Variants in MICU3 observed in about 807,000 individuals in gnomAD.
MICU3 encodes the protein calcium uptake protein 3, mitochondrial.
In MICU3, 62 loss-of-function variants were observed where a neutral mutation model predicts 66.5. The observed-to-expected ratio is 0.93, with a 90% confidence interval of 0.76 to 1.15. MICU3 has a LOEUF of 1.15. MICU3 is among the 50% of genes most tolerant of loss of function. The probability of loss-of-function intolerance (pLI) is 0.00; values close to 1 mark genes in which losing one functional copy is unlikely to be tolerated. For synonymous variants in MICU3, 308 were observed against 240.7 expected, an observed-to-expected ratio of 1.28 and a Z score of -2.59; for missense variants, 779 against 664.4, an observed-to-expected ratio of 1.17 and a Z score of -1.90.
intron 1 of MICU3, among the ~76,000 whole-genome samples, chr8:17,059,187 T>G (rs1394472088): frequency 6.6e-6 from 1 of 152,162 alleles, no homozygotes; most frequent in Non-Finnish European, 1.5e-5. Context: ...GGATTCCTAT[T>G]TATGCTGCTA....
At chr8:17,077,558 T>G (rs1820560290) in intron 3 of MICU3, among the ~76,000 whole-genome samples, 1 of 152,196 alleles carries the variant, frequency 6.6e-6, no homozygotes, top group African/African-American at 2.4e-5. Flanking sequence ...TTTAGTTAGC[T>G]CTAATTAAAT....
intron 11 of MICU3, among the ~76,000 whole-genome samples, chr8:17,108,280 C>A (rs146391524): frequency 6.6e-6 from 1 of 152,146 alleles, no homozygotes; most frequent in East Asian, 1.9e-4. Context: ...GTGAATCTAG[C>A]GGTCAAGGGT....
intron 1 of MICU3, among the ~76,000 whole-genome samples, chr8:17,034,196 C>A (rs1257836370): frequency 6.6e-6 from 1 of 152,190 alleles, no homozygotes; most frequent in Non-Finnish European, 1.5e-5. Context: ...GACTGCAAAG[C>A]TTGGATGACA....
intron 4 of MICU3, among the ~76,000 whole-genome samples, chr8:17,079,462 T>A (rs925649851): frequency 1.3e-5 from 2 of 152,190 alleles, no homozygotes; most frequent in African/African-American, 2.4e-5. Flanking sequence ...TTGCTTTTTT[T>A]AAATAGCGAT....
intron 10 of MICU3, among the ~76,000 whole-genome samples, 170 bp downstream of exon 10, chr8:17,104,661 TATTGATA>T (rs1337733038): frequency 6.6e-6 from 1 of 152,026 alleles, no homozygotes; most frequent in Non-Finnish European, 1.5e-5. Context: ...CCAGTGGTTA[TATTGATA>T]ATTATAACAG....
intron 14 of MICU3, among the ~76,000 whole-genome samples, chr8:17,119,995 C>T (rs1002501072): frequency 1.3e-5 from 2 of 152,140 alleles, no homozygotes; most frequent in African/African-American, 4.8e-5. Flanking sequence ...GGTATGTCCA[C>T]ACAGGTAGTG....
chr8:17,054,735 TTTC>T (rs1236452687), intron 1 of MICU3, among the ~76,000 whole-genome samples: 5 of 131,258 alleles, frequency 3.8e-5, no homozygotes, highest in Admixed American at 7.5e-5. Context: ...TTTTTCTTTC[TTTC>T]TTTTTTTTTT....
intron 1 of MICU3, among the ~76,000 whole-genome samples, chr8:17,044,045 T>C (rs1190548710): frequency 6.6e-6 from 1 of 152,196 alleles, no homozygotes; most frequent in Non-Finnish European, 1.5e-5. Flanking sequence ...TAGGCAAGAA[T>C]GCATACTTAA....
At chr8:17,056,784 A>G (rs1243851882) in intron 1 of MICU3, among the ~76,000 whole-genome samples, 1 of 152,202 alleles carries the variant, frequency 6.6e-6, no homozygotes, top group East Asian at 1.9e-4. Context: ...GTGGCAGCAG[A>G]AGTTTTCTGG....
At chr8:17,041,890 C>G (rs899376747) in intron 1 of MICU3, among the ~76,000 whole-genome samples, 2 of 152,104 alleles carry the variant, frequency 1.3e-5, no homozygotes, top group African/African-American at 2.4e-5. Flanking sequence ...GTGATGTCAT[C>G]TTCTCGGAGC....
At chr8:17,057,652 A>C (rs2150596068) in intron 1 of MICU3, among the ~76,000 whole-genome samples, 1 of 152,226 alleles carries the variant, frequency 6.6e-6, no homozygotes, top group South Asian at 2.1e-4. Context: ...CCAATTTGCA[A>C]ATGATCTCCT....
At chr8:17,036,167 G>C (rs1005968097) in intron 1 of MICU3, among the ~76,000 whole-genome samples, 4 of 152,156 alleles carry the variant, frequency 2.6e-5, no homozygotes, top group Non-Finnish European at 5.9e-5. Flanking sequence ...TGGCTCAAGA[G>C]TGAAGCTGCA....
Position 17,114,203 on chromosome 8 carries a change from T to C in MICU3, c.1366+2T>C. 1 of 1,559,184 alleles carries C rather than the reference T, an allele frequency of 6.4e-7. No homozygotes were observed. The highest frequency in any genetic ancestry group is 1.1e-5 in the South Asian group (1 of 87,662). On this transcript the variant is annotated splice_donor_variant, in intron 12 of 14. Transcript: ENST00000318063. LOFTEE classifies it high-confidence loss of function. The stretch of plus-strand genomic sequence containing the variant: ...TTGCAAGTCGTTCTATAGGGCAAGG[T>C]AAGTAATCATCTACAAAAATTAAAA...
intron 6 of MICU3, 54 bp downstream of exon 6, chr8:17,085,372 T>G: frequency 8.3e-7 from 1 of 1,211,734 alleles, no homozygotes; most frequent in Non-Finnish European, 1.2e-6. Context: ...CTTACTTATA[T>G]TTTTATGTTT....
At chr8:17,133,040 T>G in the MICU3 span, 1 of 152,256 alleles carries the variant, frequency 6.6e-6, no homozygotes, top group Non-Finnish European at 1.5e-5. Context: ...CTGAATCTGC[T>G]TGATCTGGGA....
At chr8:17,133,166 T>C in the MICU3 span, 1 of 152,228 alleles carries the variant, frequency 6.6e-6, no homozygotes, top group African/African-American at 2.4e-5. Flanking sequence ...AGAGGAGCCA[T>C]TCTTTCATCC....
At chr8:17,104,213 G>A (rs1484085370) in intron 9 of MICU3, among the ~76,000 whole-genome samples, 178 bp from the exon 10 acceptor site, 1 of 151,776 alleles carries the variant, frequency 6.6e-6, no homozygotes, top group Non-Finnish European at 1.5e-5. Context: ...TTTAAAATGT[G>A]AGCTTTATTT....
the MICU3 span, chr8:17,132,727 G>T: frequency 6.6e-6 from 1 of 152,214 alleles, no homozygotes; most frequent in South Asian, 2.1e-4. Flanking sequence ...TCAGATCTCT[G>T]AAATGGCAGA....
At chr8:17,036,714 C>T (rs1813058457) in intron 1 of MICU3, among the ~76,000 whole-genome samples, 1 of 152,232 alleles carries the variant, frequency 6.6e-6, no homozygotes, top group Non-Finnish European at 1.5e-5. Flanking sequence ...TATAAAGACT[C>T]TCCACGTCCC....
Sources: allele counts gnomAD v4.1 joint callset (sites outside exome capture counted in the v4.1 genomes callset), GRCh38; gene constraint gnomAD v4.1.1; transcripts MANE v1.5; gene names NCBI Gene and HGNC (gene_info 2026-07-23, HGNC 2026-07-21).